Variants in ATP2B2 observed in about 807,000 individuals in gnomAD.
ATP2B2 encodes the protein plasma membrane calcium-transporting ATPase 2.
ATP2B2 carries 15 observed loss-of-function variants against 120.0 expected under a neutral mutation model. That is an observed-to-expected ratio of 0.12 (90% CI 0.08 to 0.19). ATP2B2 has a LOEUF of 0.19. Among genes scored for constraint, ATP2B2 ranks in the 10% least tolerant of loss-of-function variants. The pLI is 1.00. For synonymous variants in ATP2B2, 694 were observed against 700.3 expected (o/e 0.99, Z 0.14); for missense variants, 1,045 against 1,719.8 (o/e 0.61, Z 6.94).
intron 2 of ATP2B2, among the ~76,000 whole-genome samples, chr3:10,434,887 T>TCCTGGCCCCTCC (rs1236303902): frequency 6.6e-6 from 1 of 152,246 alleles, no homozygotes; most frequent in Admixed American, 6.5e-5. Context: ...TCAGGTATCT[T>TCCTGGCCCCTCC]CCTGGCCCCT....
intron 2 of ATP2B2, among the ~76,000 whole-genome samples, chr3:10,551,819 C>T (rs1253289949): frequency 6.6e-6 from 1 of 152,214 alleles, no homozygotes; most frequent in Non-Finnish European, 1.5e-5. Context: ...AAGCATGTCT[C>T]ACTTTCCCCA....
intron 8 of ATP2B2, among the ~76,000 whole-genome samples, chr3:10,380,624 G>T (rs562471055): frequency 8.5e-5 from 13 of 152,178 alleles, no homozygotes; most frequent in African/African-American, 3.1e-4. Flanking sequence ...GCCTACTTCC[G>T]TCCTGCCATT....
chr3:10,632,828 C>T (rs772287269), intron 1 of ATP2B2, among the ~76,000 whole-genome samples: 1 of 152,258 alleles, frequency 6.6e-6, no homozygotes, highest in Non-Finnish European at 1.5e-5. Flanking sequence ...TTTGTGGTGA[C>T]AGCCCCGGAA....
chr3:10,580,876 G>A (rs538889090), intron 2 of ATP2B2, among the ~76,000 whole-genome samples: 54 of 152,270 alleles, frequency 3.5e-4, no homozygotes, highest in Non-Finnish European at 6.3e-4. Flanking sequence ...ATCCATGGCC[G>A]TTTTCACATA....
intron 2 of ATP2B2, among the ~76,000 whole-genome samples, chr3:10,417,270 G>A (rs113713017): frequency 0.029 from 4,434 of 151,830 alleles, 70 homozygotes; most frequent in Middle Eastern, 0.059. Flanking sequence ...CCCAGAGAGT[G>A]TGGGGGCCGA....
chr3:10,678,645 G>A (rs1260805655), intron 1 of ATP2B2, among the ~76,000 whole-genome samples: 1 of 152,186 alleles, frequency 6.6e-6, no homozygotes, highest in African/African-American at 2.4e-5. Flanking sequence ...GAGAGAGCTT[G>A]TACTCCCAAC....
chr3:10,558,815 G>A (rs1025752234), intron 2 of ATP2B2, among the ~76,000 whole-genome samples: 4 of 152,100 alleles, frequency 2.6e-5, no homozygotes, highest in Admixed American at 6.6e-5. Flanking sequence ...GGGAGAGCAC[G>A]GAATAACAGC....
chr3:10,403,815 A>G (rs764120876), intron 3 of ATP2B2, among the ~76,000 whole-genome samples: 9 of 152,208 alleles, frequency 5.9e-5, no homozygotes, highest in Non-Finnish European at 1.0e-4. Flanking sequence ...CTGGGGTCAC[A>G]TGGCAGATAA....
At chr3:10,491,166 G>A (rs2065919013) in intron 1 of ATP2B2, among the ~76,000 whole-genome samples, 1 of 151,916 alleles carries the variant, frequency 6.6e-6, no homozygotes, top group Non-Finnish European at 1.5e-5. Flanking sequence ...CTGACTCCGG[G>A]CATTCACCTG....
intron 1 of ATP2B2, among the ~76,000 whole-genome samples, chr3:10,624,320 A>T (rs2069633042): frequency 6.6e-6 from 1 of 152,136 alleles, no homozygotes; most frequent in South Asian, 2.1e-4. Flanking sequence ...CTTTTCCAAA[A>T]TGTCTTTCCT....
intron 22 of ATP2B2, among the ~76,000 whole-genome samples, chr3:10,333,295 T>C (rs971271914): frequency 6.6e-6 from 1 of 151,974 alleles, no homozygotes; most frequent in Non-Finnish European, 1.5e-5. Context: ...AGGAAGCAGA[T>C]CCCCCTCAGA....
chr3:10,548,554 C>T (rs1000987323), intron 2 of ATP2B2, among the ~76,000 whole-genome samples: 3 of 152,188 alleles, frequency 2.0e-5, no homozygotes, highest in African/African-American at 7.2e-5. Flanking sequence ...GCTATCCCAG[C>T]TCCCTTCCCT....
intron 1 of ATP2B2, among the ~76,000 whole-genome samples, chr3:10,677,374 G>A (rs1031810904): frequency 3.3e-5 from 5 of 152,204 alleles, no homozygotes; most frequent in African/African-American, 9.6e-5. Context: ...ATGGAGACAG[G>A]AAAATGATCA....
chr3:10,662,301 G>C (rs2070804983), intron 1 of ATP2B2, among the ~76,000 whole-genome samples: 1 of 151,824 alleles, frequency 6.6e-6, no homozygotes, highest in Admixed American at 6.6e-5. Context: ...AGAGTGAACA[G>C]GGAACCTACA....
chr3:10,529,983 G>A (rs565732746), intron 3 of ATP2B2, among the ~76,000 whole-genome samples: 2 of 152,270 alleles, frequency 1.3e-5, no homozygotes, highest in African/African-American at 2.4e-5. Context: ...CCCCATCCTC[G>A]GAAGGAACCA....
At chr3:10,491,473 A>G (rs1322816937) in intron 1 of ATP2B2, among the ~76,000 whole-genome samples, 1 of 152,080 alleles carries the variant, frequency 6.6e-6, no homozygotes, top group Non-Finnish European at 1.5e-5. Context: ...TGATCTGCCC[A>G]CCTTGGCCTC....
At chr3:10,584,707 A>G (rs1350650740) in intron 2 of ATP2B2, among the ~76,000 whole-genome samples, 1 of 152,108 alleles carries the variant, frequency 6.6e-6, no homozygotes, top group Non-Finnish European at 1.5e-5. Flanking sequence ...CTTCTGAGCA[A>G]TGCTAAGGAC....
intron 3 of ATP2B2, among the ~76,000 whole-genome samples, chr3:10,519,827 TCTGTGCCAGCA>T (rs1201281310): frequency 6.6e-6 from 1 of 152,228 alleles, no homozygotes; most frequent in African/African-American, 2.4e-5. Context: ...CACTCCACTC[TCTGTGCCAGCA>T]CTGATGCTGC....
chr3:10,400,803 G>T (rs2062193095), intron 5 of ATP2B2, 150 bp downstream of exon 5: 1 of 1,207,068 alleles, frequency 8.3e-7, no homozygotes, highest in Non-Finnish European at 1.2e-6. Flanking sequence ...TGAGAGAAAA[G>T]GAAGGGAGTT....
Sources: allele counts gnomAD v4.1 joint callset (sites outside exome capture counted in the v4.1 genomes callset), GRCh38; gene constraint gnomAD v4.1.1; transcripts MANE v1.5; gene names NCBI Gene and HGNC (gene_info 2026-07-23, HGNC 2026-07-21).